Variants in PDPN observed in about 807,000 individuals in gnomAD.
The protein encoded by PDPN is PA2.26 antigen.
Under a neutral mutation model 23.2 loss-of-function variants are expected in PDPN, and 12 were observed. That is an observed-to-expected ratio of 0.52 (90% CI 0.33 to 0.84). PDPN has a LOEUF of 0.84. Ranked by LOEUF, PDPN falls within the 40% of genes least tolerant of loss-of-function variation. The pLI, the probability that PDPN is intolerant of heterozygous loss-of-function variation, is 0.02. For missense variants in PDPN, 199 were observed against 212.2 expected, an observed-to-expected ratio of 0.94 and a Z score of 0.39; for synonymous variants, 77 against 76.7, an observed-to-expected ratio of 1.00 and a Z score of -0.02.
chr1:13,597,538 T>C (rs1640528441), intron 1 of PDPN, among the ~76,000 whole-genome samples: 1 of 152,192 alleles, frequency 6.6e-6, no homozygotes, highest in Non-Finnish European at 1.5e-5. Flanking sequence ...AAGAAACTTC[T>C]CACTCACGTC....
At chr1:13,596,764 G>A (rs940197040) in intron 1 of PDPN, among the ~76,000 whole-genome samples, 2 of 152,194 alleles carry the variant, frequency 1.3e-5, no homozygotes, top group African/African-American at 4.8e-5. Flanking sequence ...AACTCAAAAG[G>A]TACAGCTAAT....
At chr1:13,604,537 A>G (rs750146455) in intron 1 of PDPN, among the ~76,000 whole-genome samples, 3 of 152,210 alleles carry the variant, frequency 2.0e-5, no homozygotes, top group Non-Finnish European at 4.4e-5. Context: ...AGGAATTTTT[A>G]TAAAGTTACG....
At chr1:13,604,374 A>C (rs776293526) in intron 1 of PDPN, among the ~76,000 whole-genome samples, 1 of 152,176 alleles carries the variant, frequency 6.6e-6, no homozygotes, top group Non-Finnish European at 1.5e-5. Flanking sequence ...TCTCTTGTTA[A>C]AGTTCAGCTT....
chr1:13,585,363 T>G (rs1477392612), intron 1 of PDPN: 6 of 537,956 alleles, frequency 1.1e-5, no homozygotes, highest in Non-Finnish European at 5.7e-6. Flanking sequence ...ACTGAGCAAC[T>G]CTTTTTATAG....
chr1:13,601,444 C>G (rs1640637814), intron 1 of PDPN, among the ~76,000 whole-genome samples: 1 of 152,236 alleles, frequency 6.6e-6, no homozygotes, highest in Admixed American at 6.5e-5. Flanking sequence ...GCAACGTCTG[C>G]CTCCTGGGTT....
At chr1:13,601,601 C>A (rs924795669) in intron 1 of PDPN, among the ~76,000 whole-genome samples, 1 of 152,158 alleles carries the variant, frequency 6.6e-6, no homozygotes, top group Non-Finnish European at 1.5e-5. Flanking sequence ...AGGTGATCTG[C>A]CTGCCTTGGC....
intron 1 of PDPN, among the ~76,000 whole-genome samples, chr1:13,600,000 T>C (rs945866259): frequency 1.3e-5 from 2 of 152,202 alleles, no homozygotes; most frequent in African/African-American, 2.4e-5. Context: ...GCTGAAAGTT[T>C]AGATTCGTCC....
In PDPN at chr1:13,610,461, G is replaced by A. The variant is rs748106923; in HGVS notation, c.276G>A (p.Ala92=). ...CAACTTCAGAAAGCACAGTCCACGC[G>A]CAAGAACAAAGTCCAAGCGCCACAG... is the stretch of plus-strand genomic sequence containing the variant. ...DLPTSESTVH[A]QEQSPSATAS... is the part of the protein sequence containing the mutation. The change falls in exon 3 of 6, where the codon GCG becomes GCA. Residue 92 remains alanine (A), a synonymous_variant. Coordinates refer to ENST00000621990, the MANE Select transcript of PDPN (RefSeq NM_006474.5). The A allele has an allele frequency of 2.5e-5, 41 of 1,613,884 alleles. No individual in the cohort carries two copies. In the East Asian group the frequency reaches 2.7e-4, roughly 11 times the overall value.
chr1:13,584,368 G>T, intron 1 of PDPN: 1 of 1,417,058 alleles, frequency 7.1e-7, no homozygotes, highest in Non-Finnish European at 9.3e-7. Flanking sequence ...GCCTCCCTCC[G>T]AGTCGGCAGC....
chr1:13,591,203 G>A (rs1029281074), intron 1 of PDPN, among the ~76,000 whole-genome samples: 3 of 152,052 alleles, frequency 2.0e-5, no homozygotes, highest in African/African-American at 7.2e-5. Flanking sequence ...GCCTCCCAAA[G>A]TTCTGGGATT....
intron 4 of PDPN, 131 bp downstream of exon 4, chr1:13,613,856 G>C: frequency 1.0e-4 from 34 of 333,752 alleles, no homozygotes; most frequent in East Asian, 7.4e-4. Flanking sequence ...AACATTCCGA[G>C]AACAGATTTC....
intron 1 of PDPN, 35 bp downstream of exon 1, chr1:13,584,135 T>A: frequency 1.2e-6 from 2 of 1,606,576 alleles, no homozygotes; most frequent in Non-Finnish European, 1.7e-6. Flanking sequence ...CTGCCGTCGC[T>A]GATGGGGACG....
At chr1:13,586,506 C>G (rs1176541714) in intron 1 of PDPN, among the ~76,000 whole-genome samples, 1 of 152,084 alleles carries the variant, frequency 6.6e-6, no homozygotes, top group East Asian at 1.9e-4. Flanking sequence ...GTAAAATGAG[C>G]AGCACGCGAG....
chr1:13,591,981 C>CTG (rs1420003552), intron 1 of PDPN, among the ~76,000 whole-genome samples: 1 of 152,194 alleles, frequency 6.6e-6, no homozygotes, highest in Non-Finnish European at 1.5e-5. Flanking sequence ...TTCTCTTTCT[C>CTG]TGTGTGTGTG....
At chr1:13,614,206 C>A in intron 4 of PDPN, 94 bp from the exon 5 acceptor site, 1 of 691,542 alleles carries the variant, frequency 1.4e-6, no homozygotes. Flanking sequence ...TTGCTATGTG[C>A]AGTAGGGCAG....
intron 1 of PDPN, among the ~76,000 whole-genome samples, chr1:13,604,881 C>T (rs1054533674): frequency 6.6e-6 from 1 of 152,188 alleles, no homozygotes; most frequent in Non-Finnish European, 1.5e-5. Flanking sequence ...CACCAACCCT[C>T]ACCTCTACCC....
At chr1:13,596,524 G>A (rs1332745794) in intron 1 of PDPN, among the ~76,000 whole-genome samples, 1 of 152,248 alleles carries the variant, frequency 6.6e-6, no homozygotes, top group Non-Finnish European at 1.5e-5. Flanking sequence ...CAGTGATTAT[G>A]TCGATCACGA....
chr1:13,608,312 G>A (rs1281048837), intron 2 of PDPN, among the ~76,000 whole-genome samples: 1 of 152,162 alleles, frequency 6.6e-6, no homozygotes, highest in East Asian at 1.9e-4. Context: ...GCCAGGCATT[G>A]GGAGGGATTG....
chr1:13,583,941 A>T lies in PDPN; in HGVS notation c.-93A>T. 1 of 1,613,458 alleles carries T rather than the reference A, an allele frequency of 6.2e-7. No individual in the cohort carries two copies. The highest frequency in any genetic ancestry group is 8.5e-7 in the Non-Finnish European group (1 of 1,179,888). ...GGCCCCCCCACCGTCGCGCTCCTCC[A>T]GGCTGGGCCTGTGGCCGCGGTGCTT... On this transcript the variant is annotated 5_prime_UTR_variant, in exon 1 of 6. Coordinates refer to ENST00000621990, the MANE Select transcript of PDPN (RefSeq NM_006474.5).
Sources: gnomAD v4.1 joint callset for allele counts (sites outside exome capture counted in the v4.1 genomes callset) on GRCh38, gnomAD v4.1.1 for gene constraint, MANE v1.5 for transcripts, NCBI Gene and HGNC (gene_info 2026-07-23, HGNC 2026-07-21) for gene names.